AGBL1: variants seen among roughly 807,000 people sequenced by gnomAD.
AGBL1 encodes cytosolic carboxypeptidase 4.
A neutral mutation model predicts 118.9 loss-of-function variants in AGBL1; 130 were observed. That is an observed-to-expected ratio of 1.09 (90% confidence interval 0.95 to 1.26). The LOEUF (loss-of-function observed/expected upper bound fraction) is 1.26, where lower values mean the gene tolerates loss of function less well. AGBL1 is among the 50% of genes most tolerant of loss of function. The probability of loss-of-function intolerance (pLI) is 0.00; values close to 1 mark genes in which losing one functional copy is unlikely to be tolerated. For synonymous variants in AGBL1, 555 were observed against 478.9 expected, an observed-to-expected ratio of 1.16 and a Z score of -2.08; for missense variants, 1,584 against 1,298.1, an observed-to-expected ratio of 1.22 and a Z score of -3.38.
intron 22 of AGBL1, among the ~76,000 whole-genome samples, chr15:86,716,817 G>A (rs2086646076): frequency 6.6e-6 from 1 of 152,154 alleles, no homozygotes; most frequent in South Asian, 2.1e-4. Flanking sequence ...AGGTAGATTG[G>A]GAATCCAAAT....
intron 18 of AGBL1, among the ~76,000 whole-genome samples, chr15:86,411,998 C>T (rs1335854606): frequency 4.6e-5 from 7 of 152,104 alleles, no homozygotes; most frequent in African/African-American, 1.7e-4. Flanking sequence ...CTGACTTATC[C>T]CTAGGTCTTT....
At chr15:86,917,897 G>A (rs1424887057), downstream of AGBL1, among the ~76,000 whole-genome samples, 2 of 152,116 alleles carry the variant, frequency 1.3e-5, no homozygotes, top group Admixed American at 1.3e-4. The surrounding 1 kb of genome is among the most constrained non-coding windows in gnomAD (Gnocchi z 4.8). Context: ...TGAATTTTAA[G>A]TTGTTCTCTG....
intron 21 of AGBL1, among the ~76,000 whole-genome samples, chr15:86,672,714 T>C (rs1305794850): frequency 1.3e-5 from 2 of 150,074 alleles, no homozygotes; most frequent in East Asian, 2.0e-4. Flanking sequence ...TCTCTTTCTT[T>C]AGAAAGTGAT....
At chr15:87,025,294 A>AAATT (rs2081714541) in intron 24 of AGBL1, among the ~76,000 whole-genome samples, 1 of 152,122 alleles carries the variant, frequency 6.6e-6, no homozygotes, top group Non-Finnish European at 1.5e-5. Flanking sequence ...TCCAGATACA[A>AAATT]AATTAATGTA....
At chr15:86,098,708 T>G (rs751750641) in intron 1 of AGBL1, among the ~76,000 whole-genome samples, 25 of 152,230 alleles carry the variant, frequency 1.6e-4, no homozygotes, top group Non-Finnish European at 3.5e-4. Flanking sequence ...CTGTTTTGGT[T>G]GCTGTAACCT....
chr15:86,635,392 C>T (rs1346412143), intron 21 of AGBL1, among the ~76,000 whole-genome samples: 1 of 149,246 alleles, frequency 6.7e-6, no homozygotes, highest in Middle Eastern at 3.2e-3. Context: ...ATTCCTCTTC[C>T]TCCTCATTGC....
chr15:86,829,281 T>C (rs890791475), intron 22 of AGBL1, among the ~76,000 whole-genome samples: 23 of 152,278 alleles, frequency 1.5e-4, no homozygotes, highest in African/African-American at 5.5e-4. Context: ...AAGAAACATA[T>C]GCCACATATG....
intron 6 of AGBL1, among the ~76,000 whole-genome samples, chr15:86,231,599 A>G (rs1331813799): frequency 6.6e-6 from 1 of 152,244 alleles, no homozygotes; most frequent in Non-Finnish European, 1.5e-5. Context: ...AATATCTACC[A>G]TTTAGCAAGA....
At chr15:86,575,272 G>A (rs1490830181) in intron 21 of AGBL1, among the ~76,000 whole-genome samples, 1 of 152,060 alleles carries the variant, frequency 6.6e-6, no homozygotes, top group Non-Finnish European at 1.5e-5. Flanking sequence ...GCTGAGGCAG[G>A]AGGTTCGCTT....
intron 13 of AGBL1, among the ~76,000 whole-genome samples, chr15:86,268,552 GT>G (rs2079108441): frequency 3.9e-5 from 6 of 152,138 alleles, no homozygotes; most frequent in South Asian, 2.1e-4. Flanking sequence ...AAATTCATCA[GT>G]TATGGTCAGG....
At chr15:87,030,606 A>G (rs1219168170), downstream of AGBL1, among the ~76,000 whole-genome samples, 1 of 151,992 alleles carries the variant, frequency 6.6e-6, no homozygotes. Context: ...CATTGCAAGT[A>G]AGCCCAGCAA....
At chr15:86,932,091 G>T (rs187701666) in intron 23 of AGBL1, among the ~76,000 whole-genome samples, 235 of 152,232 alleles carry the variant, frequency 1.5e-3, no homozygotes, top group African/African-American at 5.3e-3. Context: ...AGGAAGTGAG[G>T]CTAAAATATA....
At chr15:86,531,801 T>C (rs1487042717) in intron 19 of AGBL1, among the ~76,000 whole-genome samples, 6 of 127,684 alleles carry the variant, frequency 4.7e-5, no homozygotes, top group Non-Finnish European at 9.8e-5. Context: ...CAAGGCTGGT[T>C]CAATATACGC....
At chr15:86,422,870 A>T (rs2081811125) in intron 18 of AGBL1, among the ~76,000 whole-genome samples, 1 of 152,204 alleles carries the variant, frequency 6.6e-6, no homozygotes, top group African/African-American at 2.4e-5. Context: ...TCCTGGACAC[A>T]TACACACTCC....
intron 18 of AGBL1, among the ~76,000 whole-genome samples, chr15:86,459,608 G>A (rs960406694): frequency 2.0e-5 from 3 of 152,010 alleles, no homozygotes; most frequent in African/African-American, 7.2e-5. Context: ...TCTGTTATAT[G>A]ATTTTATTGA....
chr15:86,210,541 C>T (rs747588576), intron 5 of AGBL1, among the ~76,000 whole-genome samples: 34 of 152,134 alleles, frequency 2.2e-4, no homozygotes, highest in Admixed American at 1.8e-3. Flanking sequence ...CTAAACTTCT[C>T]CTCTTGCTTT....
intron 1 of AGBL1, among the ~76,000 whole-genome samples, chr15:86,132,936 C>T (rs1405555326): frequency 6.6e-6 from 1 of 152,090 alleles, no homozygotes; most frequent in Non-Finnish European, 1.5e-5. Context: ...TTAGATTATT[C>T]ACCTTTTGTC....
At position 86,340,302 on chromosome 15, in the gene AGBL1, C is replaced by G. The variant is rs111480957; in HGVS notation, c.2374+44894C>G. ...TGAATATTGCCTCCACTGCCCCCCC[C>G]CCATTCATGTCTATTCAGAAGCTCA... On this transcript the variant is annotated intron_variant, in intron 17 of 22. Coordinates refer to ENST00000614907, the MANE Select transcript of AGBL1 (RefSeq NM_001386094.1). Among the ~76,000 whole-genome samples, 28 of 152,024 alleles carry G rather than the reference C, an allele frequency of 1.8e-4. No homozygotes were observed. In the East Asian group the frequency reaches 2.9e-3, roughly 16 times the overall value.
intron 22 of AGBL1, among the ~76,000 whole-genome samples, chr15:86,777,424 C>T (rs2078273310): frequency 7.9e-6 from 1 of 126,840 alleles, no homozygotes; most frequent in African/African-American, 2.5e-5. Flanking sequence ...CCTCTTCCAT[C>T]TATTTTTTTT....
Sources: gnomAD v4.1 joint callset for allele counts (sites outside exome capture counted in the v4.1 genomes callset) on GRCh38, gnomAD v4.1.1 for gene constraint, Gnocchi (gnomAD v3.1) non-coding constraint, MANE v1.5 for transcripts, NCBI Gene and HGNC (gene_info 2026-07-23, HGNC 2026-07-21) for gene names.